FAM118B: variants seen among roughly 807,000 people sequenced by gnomAD.
FAM118B encodes protein FAM118B.
In FAM118B, 24 loss-of-function variants were observed where a neutral mutation model predicts 38.5. The observed-to-expected ratio is 0.62, with a 90% CI of 0.45 to 0.88. The LOEUF (loss-of-function observed/expected upper bound fraction) is 0.88, where lower values mean the gene tolerates loss of function less well. Among genes scored for constraint, FAM118B ranks in the 40% least tolerant of loss-of-function variants. The pLI is 0.00. For synonymous variants in FAM118B, 138 were observed against 156.3 expected, an observed-to-expected ratio of 0.88 and a Z score of 0.87; for missense variants, 334 against 420.0, an observed-to-expected ratio of 0.80 and a Z score of 1.79.
At chr11:126,219,906 A>G (rs867127348) in intron 1 of FAM118B, among the ~76,000 whole-genome samples, 2 of 151,718 alleles carry the variant, frequency 1.3e-5, no homozygotes, top group Admixed American at 6.6e-5. Context: ...TTTTTAAGTT[A>G]ATTTTAATAA....
rs1423343935 is a variant in FAM118B at position 126,244,431 on chromosome 11, A to G, written c.339+3387A>G. ...TAGTATTTTTATACACTTGCAGTGA[A>G]CAATACTAAAATGAAATATTAAAAA... On this transcript the variant is annotated intron_variant, in intron 4 of 8. Transcript: ENST00000533050. The surrounding 1 kb of genome is among the most constrained non-coding windows in gnomAD (Gnocchi z 4.5). Among the ~76,000 whole-genome samples the G allele has an allele frequency of 6.6e-6, 1 of 152,274 alleles. No individual in the cohort carries two copies. The highest frequency in any genetic ancestry group is 1.5e-5 in the Non-Finnish European group (1 of 68,052).
intron 1 of FAM118B, among the ~76,000 whole-genome samples, chr11:126,221,625 C>T (rs1950063621): frequency 1.3e-5 from 2 of 151,794 alleles, no homozygotes; most frequent in Non-Finnish European, 2.9e-5. Context: ...CTGAAGGTAG[C>T]GTTTTGGGAG....
chr11:126,239,140 G>A (rs899424437), intron 3 of FAM118B, among the ~76,000 whole-genome samples: 1 of 151,432 alleles, frequency 6.6e-6, no homozygotes, highest in African/African-American at 2.4e-5. Flanking sequence ...TTTCTTTTTC[G>A]TTCTTTCTTT....
At chr11:126,223,201 T>C (rs1303431972) in intron 1 of FAM118B, among the ~76,000 whole-genome samples, 2 of 152,170 alleles carry the variant, frequency 1.3e-5, no homozygotes, top group African/African-American at 4.8e-5. Context: ...TGCCGGACAC[T>C]GGATCATGCC....
intron 2 of FAM118B, chr11:126,233,781 TAAAG>T (rs1481067879): frequency 8.8e-6 from 4 of 453,644 alleles, no homozygotes; most frequent in Non-Finnish European, 1.8e-5. Flanking sequence ...AGTGTTTTAA[TAAAG>T]AAAAAGGCTT....
At chr11:126,227,876 T>C (rs1950163576) in intron 1 of FAM118B, among the ~76,000 whole-genome samples, 1 of 152,124 alleles carries the variant, frequency 6.6e-6, no homozygotes, top group Non-Finnish European at 1.5e-5. Context: ...CATGGTTCAC[T>C]GCAGCCTTGA....
Position 126,233,330 on chromosome 11 carries a change from C to G in FAM118B, c.-7-1665C>G, listed in dbSNP as rs183358151. Among the ~76,000 whole-genome samples the G allele has an allele frequency of 6.6e-5, 10 of 152,214 alleles. No individual in the cohort carries two copies. The East Asian group carries it at 1.7e-3, about 26-fold the overall frequency. ...GTCTCTACTAAAAATACAAAATTAG[C>G]TGGGCATAGTGGCGCATGCCTGTAA... On this transcript the variant is annotated intron_variant, in intron 2 of 8. Coordinates refer to ENST00000533050, the MANE Select transcript of FAM118B (RefSeq NM_024556.4).
chr11:126,259,186 G>A (rs891119845), intron 7 of FAM118B, among the ~76,000 whole-genome samples: 1 of 152,150 alleles, frequency 6.6e-6, no homozygotes, highest in Non-Finnish European at 1.5e-5. Context: ...AATGTTTTGA[G>A]TCTCTGTAGA....
intron 3 of FAM118B, among the ~76,000 whole-genome samples, chr11:126,236,075 G>A (rs1950271147): frequency 6.6e-6 from 1 of 152,186 alleles, no homozygotes; most frequent in South Asian, 2.1e-4. Flanking sequence ...CTGGATGCTA[G>A]TCCACTCTGG....
chr11:126,240,722 TCAGA>T lies in FAM118B; in HGVS notation c.87-66_87-63del, dbSNP rs1423268126. On this transcript the variant is annotated intron_variant, in intron 3 of 8. Coordinates refer to ENST00000533050, the MANE Select transcript of FAM118B (RefSeq NM_024556.4). Reference sequence around the variant, plus strand: ...AGTTAGCTAAAAACTGTAACCTGAGTCAGACAGTCTTTCTGTGTGCCTCATATCT... The same window carrying T: ...AGTTAGCTAAAAACTGTAACCTGAGTCAGTCTTTCTGTGTGCCTCATATCT... 5.1e-5 allele frequency: 74 copies of T among 1,442,734 alleles called. No homozygotes were observed. The East Asian group carries it at 1.5e-3, about 30-fold the overall frequency. 89.4% of individuals were successfully genotyped at this position (1,442,734 alleles called of 1,614,324 possible). A position where few individuals can be genotyped will look rare whatever the true frequency, so the allele number is the denominator to read the frequency against.
rs1326028793 is a variant in FAM118B, at chr11:126,256,089, G to A, written c.697-478G>A. Among the ~76,000 whole-genome samples, 2 of 152,206 alleles carry A rather than the reference G, an allele frequency of 1.3e-5. No homozygotes were observed. The highest frequency in any genetic ancestry group is 2.9e-5 in the Non-Finnish European group (2 of 68,042). ...AGTACCAGACCAGCCTGGCCAACATGGCAAAACCCCGTCTCTACTAAACAT... is the reference window on the plus strand; with the variant it reads ...AGTACCAGACCAGCCTGGCCAACATAGCAAAACCCCGTCTCTACTAAACAT... On this transcript the variant is annotated intron_variant, in intron 6 of 8. Transcript: ENST00000533050. This position sits in a 1 kb window ranked among gnomAD's most constrained non-coding sequence, Gnocchi z 6.6.
At chr11:126,235,552 T>C (rs1412479293) in intron 3 of FAM118B, among the ~76,000 whole-genome samples, 1 of 152,124 alleles carries the variant, frequency 6.6e-6, no homozygotes, top group Non-Finnish European at 1.5e-5. Context: ...AGAGTCTTGC[T>C]GTGTCGCCCA....
intron 1 of FAM118B, among the ~76,000 whole-genome samples, chr11:126,215,957 T>G (rs953642739): frequency 6.6e-6 from 1 of 152,050 alleles, no homozygotes; most frequent in Non-Finnish European, 1.5e-5. Flanking sequence ...GCAGCTGCAG[T>G]GAACCATGAT....
intron 4 of FAM118B, among the ~76,000 whole-genome samples, chr11:126,247,921 G>T (rs946961952): frequency 7.0e-6 from 1 of 142,666 alleles, no homozygotes; most frequent in Non-Finnish European, 1.5e-5. Flanking sequence ...ATATAGATAC[G>T]TATATCTATA....
intron 1 of FAM118B, among the ~76,000 whole-genome samples, chr11:126,228,819 A>G (rs1950175014): frequency 6.6e-6 from 1 of 152,122 alleles, no homozygotes. Context: ...TTGGCCCCCC[A>G]AAGTGCTGGG....
At chr11:126,241,690 C>T (rs954060182) in intron 4 of FAM118B, among the ~76,000 whole-genome samples, 10 of 152,014 alleles carry the variant, frequency 6.6e-5, no homozygotes, top group African/African-American at 2.2e-4. Context: ...GGTGGGATTA[C>T]AGGCATGTGC....
intron 2 of FAM118B, among the ~76,000 whole-genome samples, chr11:126,234,034 A>G (rs1202523939): frequency 1.3e-5 from 2 of 152,192 alleles, no homozygotes; most frequent in Admixed American, 1.3e-4. Flanking sequence ...GTGAGCCAAG[A>G]TGGCGCCACT....
chr11:126,249,356 T>C (rs945923836), intron 4 of FAM118B, among the ~76,000 whole-genome samples: 1 of 152,244 alleles, frequency 6.6e-6, no homozygotes, highest in African/African-American at 2.4e-5. Context: ...AATAAACCTA[T>C]GAACTGCTGA....
At chr11:126,233,626 A>G (rs1950234904) in intron 2 of FAM118B, 3 of 412,652 alleles carry the variant, frequency 7.3e-6, no homozygotes, top group African/African-American at 6.3e-5. Context: ...TGGAAACATG[A>G]TCTACTTCCT....
Sources: gnomAD v4.1 joint callset for allele counts (sites outside exome capture counted in the v4.1 genomes callset) on GRCh38, gnomAD v4.1.1 for gene constraint, Gnocchi (gnomAD v3.1) non-coding constraint, MANE v1.5 for transcripts, NCBI Gene and HGNC (gene_info 2026-07-23, HGNC 2026-07-21) for gene names.